The following FAM171A1 variants were observed in gnomAD, a reference collection of about 807,000 sequenced individuals.
FAM171A1 encodes family with sequence similarity 171 member A1, also known as protein FAM171A1.
FAM171A1 carries 23 observed loss-of-function variants against 74.9 expected under a neutral mutation model. The observed-to-expected ratio is 0.31, with a 90% CI of 0.22 to 0.44. FAM171A1 has a LOEUF of 0.44. Ranked by LOEUF, FAM171A1 falls within the 20% of genes least tolerant of loss-of-function variation. FAM171A1 has a pLI of 1.00. For missense variants in FAM171A1, 1,162 were observed against 1,159.2 expected (o/e 1.00, Z -0.03); for synonymous variants, 527 against 505.7 (o/e 1.04, Z -0.57).
At chr10:15,343,523 A>G (rs1835787813) in intron 1 of FAM171A1, among the ~76,000 whole-genome samples, 2 of 152,248 alleles carry the variant, frequency 1.3e-5, no homozygotes, top group African/African-American at 4.8e-5. Context: ...CTGGGACAGG[A>G]GAACCAGAGA....
chr10:15,234,952 G>A (rs1272063324), intron 5 of FAM171A1, among the ~76,000 whole-genome samples: 2 of 151,960 alleles, frequency 1.3e-5, no homozygotes, highest in African/African-American at 2.4e-5. Context: ...GTGAGCCACC[G>A]TGCCGGGCCG....
chr10:15,294,802 G>C (rs1156447139), intron 1 of FAM171A1, among the ~76,000 whole-genome samples: 2 of 152,236 alleles, frequency 1.3e-5, no homozygotes, highest in Non-Finnish European at 2.9e-5. Context: ...ACAAGAGGAA[G>C]GAATTAGGGT....
intron 1 of FAM171A1, among the ~76,000 whole-genome samples, chr10:15,347,834 CAAAAAA>C (rs71390034): frequency 1.5e-4 from 14 of 94,250 alleles, no homozygotes; most frequent in African/African-American, 4.5e-4. Context: ...GACTCCATCT[CAAAAAA>C]AAAAAAAAAA....
intron 1 of FAM171A1, among the ~76,000 whole-genome samples, chr10:15,351,588 G>GATGGATGC (rs563324848): frequency 7.3e-6 from 1 of 137,694 alleles, no homozygotes; most frequent in African/African-American, 2.5e-5. Flanking sequence ...TGGATGGATG[G>GATGGATGC]ATGGATGCAT....
At chr10:15,351,666 T>C (rs1835881731) in intron 1 of FAM171A1, among the ~76,000 whole-genome samples, 1 of 151,502 alleles carries the variant, frequency 6.6e-6, no homozygotes, top group African/African-American at 2.4e-5. Context: ...CATGCACGGA[T>C]GCATGGATGC....
chr10:15,242,427 C>T (rs571027106), intron 5 of FAM171A1, among the ~76,000 whole-genome samples: 14 of 152,266 alleles, frequency 9.2e-5, no homozygotes, highest in Non-Finnish European at 2.1e-4. Context: ...CTTTTTTCTG[C>T]ATACATGCAA....
chr10:15,252,207 G>C (rs1834518106), intron 4 of FAM171A1, among the ~76,000 whole-genome samples: 1 of 152,104 alleles, frequency 6.6e-6, no homozygotes, highest in Non-Finnish European at 1.5e-5. Context: ...CCGGTGAGAG[G>C]AGGGGGCCCC....
chr10:15,275,645 C>T (rs889003708), intron 3 of FAM171A1, among the ~76,000 whole-genome samples: 1 of 151,808 alleles, frequency 6.6e-6, no homozygotes, highest in Non-Finnish European at 1.5e-5. Context: ...ATTGTACATA[C>T]CAAAATAATG....
At chr10:15,326,793 A>T (rs1208487774) in intron 1 of FAM171A1, among the ~76,000 whole-genome samples, 1 of 151,902 alleles carries the variant, frequency 6.6e-6, no homozygotes, top group Non-Finnish European at 1.5e-5. Context: ...ATACCCAGCT[A>T]ATTTTTGTAT....
chr10:15,266,315 G>A (rs150129037), intron 3 of FAM171A1, among the ~76,000 whole-genome samples: 1 of 152,284 alleles, frequency 6.6e-6, no homozygotes, highest in African/African-American at 2.4e-5. Context: ...CCCCCAAGCT[G>A]GGTGCCCACT....
In FAM171A1 at chr10:15,232,617, C is replaced by G. The variant is rs114451177; in HGVS notation, c.755-11557G>C. Among the ~76,000 whole-genome samples, 885 of 152,228 alleles carry G rather than the reference C, an allele frequency of 5.8e-3. 8 individuals carry two copies. The highest frequency in any genetic ancestry group is 0.02 in the African/African-American group (841 of 41,528). On this transcript the variant is annotated intron_variant, in intron 5 of 7. Transcript: ENST00000378116. The stretch of plus-strand genomic sequence containing the variant: ...TTAATGTTGGCGGTAAATTCAAACA[C>G]AGCAAACAAATATCCCCAAACGAAC...
chr10:15,357,604 T>C (rs1835948609), intron 1 of FAM171A1, among the ~76,000 whole-genome samples: 1 of 152,182 alleles, frequency 6.6e-6, no homozygotes, highest in African/African-American at 2.4e-5. Flanking sequence ...GTATGTAAAT[T>C]TCCCTAAGAG....
intron 1 of FAM171A1, among the ~76,000 whole-genome samples, chr10:15,323,990 A>G (rs1359158574): frequency 1.3e-5 from 2 of 152,316 alleles, no homozygotes; most frequent in South Asian, 2.1e-4. Flanking sequence ...TGGAGCATCA[A>G]AAATGGAAAC....
At chr10:15,299,298 G>A (rs1411355994) in intron 1 of FAM171A1, among the ~76,000 whole-genome samples, 5 of 152,150 alleles carry the variant, frequency 3.3e-5, no homozygotes, top group Non-Finnish European at 7.3e-5. Flanking sequence ...GAACTGCTTA[G>A]TTAATGAGCA....
Position 15,298,295 on chromosome 10 carries a change from C to T in FAM171A1, c.98-14190G>A, listed in dbSNP as rs148641449. ...GCTTCCAAGTACCTGCCACCACACC[C>T]GGCTAATTTTGTATTTTTAGTAGGG... is the stretch of plus-strand genomic sequence containing the variant. On this transcript the variant is annotated intron_variant, in intron 1 of 7. Transcript: ENST00000378116. Among the ~76,000 whole-genome samples the T allele has an allele frequency of 4.8e-4, 73 of 152,176 alleles. No homozygotes were observed. In the East Asian group the frequency reaches 4.8e-3, roughly 10 times the overall value.
At chr10:15,251,652 T>A (rs976580135) in intron 4 of FAM171A1, among the ~76,000 whole-genome samples, 1 of 151,946 alleles carries the variant, frequency 6.6e-6, no homozygotes, top group African/African-American at 2.4e-5. Flanking sequence ...CTCCCAGTGA[T>A]CCACCCGCCT....
intron 5 of FAM171A1, among the ~76,000 whole-genome samples, chr10:15,225,906 A>C (rs190734412): frequency 1.3e-5 from 2 of 152,248 alleles, no homozygotes; most frequent in Non-Finnish European, 2.9e-5. Context: ...TCTCCTTCTT[A>C]AGCCTGTCTC....
chr10:15,355,686 G>C lies in FAM171A1; in HGVS notation c.97+15270C>G, dbSNP rs191070234. ...GCCAAGATTGTGCCACTGCACTTCA[G>C]CCTGGGCGACAGAGCAAGACTCCAT... On this transcript the variant is annotated intron_variant, in intron 1 of 7. Coordinates refer to ENST00000378116, the MANE Select transcript of FAM171A1 (RefSeq NM_001010924.2). 2.8e-3 allele frequency among the ~76,000 whole-genome samples: 425 copies of C among 152,164 alleles called. 1 individual carries two copies. Among genetic ancestry groups the C allele is most frequent in the Admixed American group, 4.0e-3 (61 of 15,290 alleles).
intron 1 of FAM171A1, among the ~76,000 whole-genome samples, chr10:15,334,541 A>C (rs1190874260): frequency 3.3e-5 from 5 of 152,228 alleles, no homozygotes; most frequent in African/African-American, 1.2e-4. Context: ...AAGCCAAACA[A>C]AAGAAAGATT....
Sources: gnomAD v4.1 joint callset for allele counts (sites outside exome capture counted in the v4.1 genomes callset) on GRCh38, gnomAD v4.1.1 for gene constraint, MANE v1.5 for transcripts, NCBI Gene and HGNC (gene_info 2026-07-23, HGNC 2026-07-21) for gene names.